Variants in NAV2 observed in about 807,000 individuals in gnomAD.
The protein encoded by NAV2 is helicase, APC down-regulated 1.
Under a neutral mutation model 223.2 loss-of-function variants are expected in NAV2, and 54 were observed. That is an observed-to-expected ratio of 0.24 (90% CI 0.19 to 0.30). NAV2 has a LOEUF of 0.30. Among genes scored for constraint, NAV2 ranks in the 10% least tolerant of loss-of-function variants. The probability of loss-of-function intolerance (pLI) is 1.00; values close to 1 mark genes in which losing one functional copy is unlikely to be tolerated. For synonymous variants in NAV2, 1,279 were observed against 1,239.3 expected (o/e 1.03, Z -0.67); for missense variants, 2,806 against 3,147.5 (o/e 0.89, Z 2.60).
chr11:19,382,992 G>A (rs148593945), intron 1 of NAV2, among the ~76,000 whole-genome samples: 1 of 152,288 alleles, frequency 6.6e-6, no homozygotes, highest in East Asian at 1.9e-4. Context: ...CCAGAGCTGG[G>A]ATTGGATACG....
intron 1 of NAV2, among the ~76,000 whole-genome samples, chr11:19,660,622 C>T (rs902054993): frequency 6.6e-6 from 1 of 152,152 alleles, no homozygotes; most frequent in Non-Finnish European, 1.5e-5. Context: ...GACAGCGTTC[C>T]TCAACCTTTC....
chr11:20,033,181 A>T (rs769279119), intron 11 of NAV2, among the ~76,000 whole-genome samples: 8 of 152,206 alleles, frequency 5.3e-5, no homozygotes, highest in Non-Finnish European at 1.2e-4. Flanking sequence ...CTATTTCTTC[A>T]TTTGTAAAAT....
chr11:19,961,052 C>A (rs1313794207), intron 10 of NAV2, among the ~76,000 whole-genome samples: 1 of 152,054 alleles, frequency 6.6e-6, no homozygotes, highest in African/African-American at 2.4e-5. Flanking sequence ...TCCTGCTAAG[C>A]CTTTGCATAG....
chr11:19,511,236 GT>G (rs1275617663), intron 1 of NAV2: 10 of 152,346 alleles, frequency 6.6e-5, no homozygotes, highest in African/African-American at 2.4e-4. Flanking sequence ...GCAGGCAAAG[GT>G]TTGGACCTGC....
chr11:19,867,024 G>A (rs1361216347), intron 3 of NAV2, among the ~76,000 whole-genome samples: 4 of 151,330 alleles, frequency 2.6e-5, no homozygotes, highest in African/African-American at 9.8e-5. Context: ...TGTCTCTTTT[G>A]GGGGGCAACA....
chr11:19,975,602 C>T (rs2049648464), intron 10 of NAV2, among the ~76,000 whole-genome samples: 1 of 152,190 alleles, frequency 6.6e-6, no homozygotes, highest in Non-Finnish European at 1.5e-5. Context: ...TCCACGTGAT[C>T]AATCTCTCTG....
At chr11:19,702,185 A>G (rs562748863) in intron 1 of NAV2, among the ~76,000 whole-genome samples, 27 of 152,316 alleles carry the variant, frequency 1.8e-4, no homozygotes, top group African/African-American at 6.3e-4. Flanking sequence ...TCTGTAGACA[A>G]TGATTCTGTG....
chr11:19,522,045 A>T (rs1028611471), intron 1 of NAV2, among the ~76,000 whole-genome samples: 12 of 152,204 alleles, frequency 7.9e-5, no homozygotes, highest in African/African-American at 2.4e-4. Flanking sequence ...TTTTGGGGCC[A>T]CATTTTTGTT....
intron 1 of NAV2, chr11:19,778,383 A>C (rs148058158): frequency 1.5e-5 from 7 of 455,334 alleles, no homozygotes; most frequent in Non-Finnish European, 3.1e-5. Flanking sequence ...TGCCAGGATA[A>C]GAAATCATAT....
At chr11:19,616,382 G>T (rs1201412321) in intron 1 of NAV2, among the ~76,000 whole-genome samples, 1 of 151,800 alleles carries the variant, frequency 6.6e-6, no homozygotes. Context: ...CCCTATGTGT[G>T]TGTATTGCAG....
intron 11 of NAV2, among the ~76,000 whole-genome samples, chr11:20,020,252 T>C (rs1024082017): frequency 6.6e-6 from 1 of 152,244 alleles, no homozygotes. Flanking sequence ...GTAGAGTTCA[T>C]CAACTACATC....
At chr11:19,616,068 G>A (rs888937536) in intron 1 of NAV2, among the ~76,000 whole-genome samples, 5 of 151,988 alleles carry the variant, frequency 3.3e-5, no homozygotes, top group East Asian at 3.9e-4. Context: ...GCTCCAGGGT[G>A]CAGAATTTTT....
At chr11:19,598,105 A>G (rs1396089220) in intron 1 of NAV2, among the ~76,000 whole-genome samples, 1 of 152,244 alleles carries the variant, frequency 6.6e-6, no homozygotes, top group East Asian at 1.9e-4. Flanking sequence ...CCGCCCCCTG[A>G]CAGTGACAGG....
At chr11:19,830,621 A>T (rs2059878016) in intron 1 of NAV2, among the ~76,000 whole-genome samples, 2 of 152,228 alleles carry the variant, frequency 1.3e-5, no homozygotes, top group Admixed American at 6.5e-5. Context: ...TTCTCTGCAT[A>T]AGGCACTCTT....
intron 9 of NAV2, among the ~76,000 whole-genome samples, chr11:19,947,913 T>C (rs1339290980): frequency 6.6e-6 from 1 of 152,132 alleles, no homozygotes; most frequent in African/African-American, 2.4e-5. Context: ...GAGCTGAGGA[T>C]GTAAAATGTG....
intron 6 of NAV2, among the ~76,000 whole-genome samples, chr11:19,898,440 G>T (rs111269015): frequency 6.6e-6 from 1 of 152,212 alleles, no homozygotes; most frequent in East Asian, 1.9e-4. Flanking sequence ...CTCTGTACCC[G>T]TACACACATT....
At chr11:19,625,984 T>C (rs1281110592) in intron 1 of NAV2, among the ~76,000 whole-genome samples, 2 of 152,204 alleles carry the variant, frequency 1.3e-5, no homozygotes, top group African/African-American at 2.4e-5. Context: ...CTATAGGTTA[T>C]ATTTTTACTT....
intron 1 of NAV2, among the ~76,000 whole-genome samples, chr11:19,672,118 A>G (rs895904069): frequency 1.3e-5 from 2 of 152,180 alleles, no homozygotes; most frequent in Admixed American, 6.5e-5. Flanking sequence ...ACAGCAAGCC[A>G]GGGGATGGAG....
chr11:19,403,015 A>C (rs1590134440), intron 1 of NAV2, among the ~76,000 whole-genome samples: 2 of 152,188 alleles, frequency 1.3e-5, no homozygotes, highest in African/African-American at 2.4e-5. Context: ...CTGGGCGCAA[A>C]CTCCAGCTCA....
Sources: gnomAD v4.1 joint callset for allele counts (sites outside exome capture counted in the v4.1 genomes callset) on GRCh38, gnomAD v4.1.1 for gene constraint, MANE v1.5 for transcripts, NCBI Gene and HGNC (gene_info 2026-07-23, HGNC 2026-07-21) for gene names.